The following CAMTA1 variants were observed in gnomAD, a reference collection of about 807,000 sequenced individuals.
CAMTA1 encodes the protein calmodulin-binding transcription activator 1.
A neutral mutation model predicts 170.9 loss-of-function variants in CAMTA1; 27 were observed. The ratio of observed to expected loss-of-function variants is 0.16; its 90% CI spans 0.12 to 0.22. The LOEUF is 0.22. Ranked by LOEUF, CAMTA1 falls within the 10% of genes least tolerant of loss-of-function variation. The pLI is 1.00. For missense variants in CAMTA1, 1,619 were observed against 2,217.2 expected, an observed-to-expected ratio of 0.73 and a Z score of 5.42; for synonymous variants, 833 against 891.5, an observed-to-expected ratio of 0.93 and a Z score of 1.17.
intron 3 of CAMTA1, among the ~76,000 whole-genome samples, chr1:7,015,457 CTT>C (rs1700399900): frequency 6.6e-6 from 1 of 152,168 alleles, no homozygotes; most frequent in South Asian, 2.1e-4. Context: ...TGCAGCTAAA[CTT>C]AGCCTGCCCA....
chr1:7,030,866 G>A (rs998263510), intron 3 of CAMTA1, among the ~76,000 whole-genome samples: 2 of 149,664 alleles, frequency 1.3e-5, no homozygotes, highest in Non-Finnish European at 3.0e-5. Context: ...ATGGATCCTT[G>A]CTCTGTTGCC....
At chr1:7,330,644 C>G (rs936589231) in intron 5 of CAMTA1, among the ~76,000 whole-genome samples, 1 of 152,206 alleles carries the variant, frequency 6.6e-6, no homozygotes, top group African/African-American at 2.4e-5. Context: ...TAGATAAAGA[C>G]ATTACCCAGG....
chr1:7,116,709 A>G (rs1305324150), intron 4 of CAMTA1, among the ~76,000 whole-genome samples: 3 of 148,510 alleles, frequency 2.0e-5, no homozygotes, highest in African/African-American at 7.5e-5. Context: ...GTGCAGTGGC[A>G]CGATCTCGGC....
At chr1:7,527,945 G>A (rs1453691002) in intron 6 of CAMTA1, among the ~76,000 whole-genome samples, 2 of 152,152 alleles carry the variant, frequency 1.3e-5, no homozygotes, top group Non-Finnish European at 2.9e-5. Flanking sequence ...CAAGAAGCTG[G>A]GGAAGGTTTG....
intron 5 of CAMTA1, among the ~76,000 whole-genome samples, chr1:7,438,181 C>T (rs1357434561): frequency 6.6e-6 from 1 of 152,114 alleles, no homozygotes; most frequent in Non-Finnish European, 1.5e-5. Context: ...AGCTGCGGCC[C>T]ATAGGGCTGC....
intron 6 of CAMTA1, among the ~76,000 whole-genome samples, chr1:7,586,383 C>T (rs1338767189): frequency 6.6e-6 from 1 of 152,188 alleles, no homozygotes; most frequent in Non-Finnish European, 1.5e-5. Context: ...CCCAGAGGCC[C>T]GAGATAAAGC....
At chr1:7,058,785 C>T (rs1395163883) in intron 3 of CAMTA1, among the ~76,000 whole-genome samples, 1 of 152,084 alleles carries the variant, frequency 6.6e-6, no homozygotes, top group Non-Finnish European at 1.5e-5. Context: ...TATCCTGGTG[C>T]CATAGAAGGA....
At chr1:7,416,849 T>C (rs189571136) in intron 5 of CAMTA1, among the ~76,000 whole-genome samples, 9 of 152,324 alleles carry the variant, frequency 5.9e-5, no homozygotes, top group Non-Finnish European at 1.0e-4. Flanking sequence ...CTTTTTAGAG[T>C]TTCAGCTTTT....
intron 3 of CAMTA1, among the ~76,000 whole-genome samples, chr1:6,875,383 C>T (rs542383062): frequency 1.3e-5 from 2 of 152,254 alleles, no homozygotes; most frequent in East Asian, 3.9e-4. Context: ...CCTCTGCCTC[C>T]TGGGTTCAAG....
chr1:7,428,008 C>T (rs909089060), intron 5 of CAMTA1, among the ~76,000 whole-genome samples: 5 of 152,138 alleles, frequency 3.3e-5, no homozygotes, highest in East Asian at 1.9e-4. Context: ...GCTGCTGCCA[C>T]GGGAGGGAAG....
chr1:7,736,815 C>A lies in CAMTA1; in HGVS notation c.3264-116C>A. 1.2e-6 allele frequency: 1 copy of A among 859,858 alleles called. No individual in the cohort carries two copies. The highest frequency in any genetic ancestry group is 1.9e-6 in the Non-Finnish European group (1 of 529,426). 53.3% of individuals were successfully genotyped at this position (859,858 alleles called of 1,614,324 possible). On this transcript the variant is annotated intron_variant, in intron 13 of 22. Coordinates refer to ENST00000303635, the MANE Select transcript of CAMTA1 (RefSeq NM_015215.4). This position sits in a 1 kb window ranked among gnomAD's most constrained non-coding sequence, Gnocchi z 4.5. ...ACTGCCCTGGGACTCTGTTTCTTCACCATGGGGATGTTATATACCCAGTTG... is the reference window on the plus strand; with the variant it reads ...ACTGCCCTGGGACTCTGTTTCTTCAACATGGGGATGTTATATACCCAGTTG...
chr1:7,591,718 C>A (rs1462745891), intron 6 of CAMTA1, among the ~76,000 whole-genome samples: 1 of 152,170 alleles, frequency 6.6e-6, no homozygotes, highest in Non-Finnish European at 1.5e-5. Flanking sequence ...TTCCCACCTG[C>A]CCCGCGGGTC....
intron 4 of CAMTA1, among the ~76,000 whole-genome samples, chr1:7,123,716 G>GCCCT (rs529521234): frequency 0.011 from 1,642 of 152,188 alleles, 16 homozygotes; most frequent in Non-Finnish European, 0.018. Context: ...GCCTGTTCTG[G>GCCCT]CCCTTGACTT....
rs1445588969 is a variant in CAMTA1 at position 7,251,530 on chromosome 1, A to G, written c.438+1904A>G. ...GGTTCTCAGAGAGAGGCCACCTACT[A>G]TGATGCATTATGTGGTGGCCTTGCC... On this transcript the variant is annotated intron_variant, in intron 5 of 22. Coordinates refer to ENST00000303635, the MANE Select transcript of CAMTA1 (RefSeq NM_015215.4). The surrounding 1 kb of genome is among the most constrained non-coding windows in gnomAD (Gnocchi z 5.1). Among the ~76,000 whole-genome samples the G allele has an allele frequency of 2.0e-5, 3 of 152,018 alleles. No individual in the cohort carries two copies. Among genetic ancestry groups the G allele is most frequent in the Non-Finnish European group, 2.9e-5 (2 of 67,994 alleles).
intron 4 of CAMTA1, among the ~76,000 whole-genome samples, chr1:7,141,623 A>G (rs1379344556): frequency 6.6e-6 from 1 of 152,190 alleles, no homozygotes; most frequent in African/African-American, 2.4e-5. Flanking sequence ...CAGCACACTC[A>G]GCGTTACTTT....
At chr1:7,765,919 C>G (rs1269647463) in intron 22 of CAMTA1, among the ~76,000 whole-genome samples, 2 of 149,598 alleles carry the variant, frequency 1.3e-5, no homozygotes, top group Non-Finnish European at 3.0e-5. Flanking sequence ...CCCAGCTACT[C>G]GGGAGGCTAA....
chr1:7,220,804 G>T (rs958019514), intron 4 of CAMTA1, among the ~76,000 whole-genome samples: 2 of 152,240 alleles, frequency 1.3e-5, no homozygotes, highest in Admixed American at 1.3e-4. Context: ...CTGGCACCAC[G>T]GGCCCAACTT....
intron 3 of CAMTA1, among the ~76,000 whole-genome samples, chr1:6,897,546 G>A (rs1048450358): frequency 4.4e-4 from 65 of 147,416 alleles, no homozygotes; most frequent in Non-Finnish European, 8.7e-4. Flanking sequence ...AGTTAATGTG[G>A]TTTAGTCAAC....
intron 3 of CAMTA1, chr1:6,874,502 GA>G (rs1457321224): frequency 2.0e-5 from 3 of 152,378 alleles, no homozygotes; most frequent in Non-Finnish European, 1.5e-5. Context: ...CTCACACCCA[GA>G]AAACCCCAGC....
Sources: gnomAD v4.1 joint callset for allele counts (sites outside exome capture counted in the v4.1 genomes callset) on GRCh38, gnomAD v4.1.1 for gene constraint, Gnocchi (gnomAD v3.1) non-coding constraint, MANE v1.5 for transcripts, NCBI Gene and HGNC (gene_info 2026-07-23, HGNC 2026-07-21) for gene names.